Variants in SLC4A10 observed in about 807,000 individuals in gnomAD.
The protein encoded by SLC4A10 is sodium-driven chloride bicarbonate exchanger.
In SLC4A10, 42 loss-of-function variants were observed where a neutral mutation model predicts 137.7. The ratio of observed to expected loss-of-function variants is 0.30; its 90% CI spans 0.24 to 0.39. The LOEUF (loss-of-function observed/expected upper bound fraction) is 0.39, where lower values mean the gene tolerates loss of function less well. Among genes scored for constraint, SLC4A10 ranks in the 10% least tolerant of loss-of-function variants. The pLI is 1.00. For missense variants in SLC4A10, 925 were observed against 1,355.0 expected (o/e 0.68, Z 4.98); for synonymous variants, 474 against 464.1 (o/e 1.02, Z -0.27).
At chr2:161,980,287 A>G (rs1700035193) in intron 26 of SLC4A10, among the ~76,000 whole-genome samples, 1 of 146,356 alleles carries the variant, frequency 6.8e-6, no homozygotes, top group African/African-American at 2.6e-5. Flanking sequence ...TTTCTATCCC[A>G]GATTCTTTCT....
At chr2:161,673,543 T>G (rs1267178306) in intron 1 of SLC4A10, among the ~76,000 whole-genome samples, 1 of 152,248 alleles carries the variant, frequency 6.6e-6, no homozygotes, top group African/African-American at 2.4e-5. Flanking sequence ...GAATATGATC[T>G]ACTTTGACAA....
chr2:161,799,325 A>C (rs1461159619), intron 2 of SLC4A10, among the ~76,000 whole-genome samples: 3 of 151,916 alleles, frequency 2.0e-5, no homozygotes, highest in Non-Finnish European at 4.4e-5. Context: ...TCTATCATTA[A>C]ATTTCTTGAA....
intron 15 of SLC4A10, among the ~76,000 whole-genome samples, chr2:161,927,942 A>C (rs1689490819): frequency 6.6e-6 from 1 of 151,598 alleles, no homozygotes; most frequent in South Asian, 2.1e-4. Flanking sequence ...AACTAGTTCA[A>C]CCATTGTGGA....
chr2:161,754,789 G>A (rs1302759753), intron 1 of SLC4A10, among the ~76,000 whole-genome samples: 20 of 152,052 alleles, frequency 1.3e-4, no homozygotes, highest in Non-Finnish European at 2.9e-5. Flanking sequence ...ATACTTTCAT[G>A]CATATAATTT....
rs187825730 is a variant in SLC4A10, at chr2:161,782,091, A to G, written c.130+11037A>G. 6.6e-5 allele frequency among the ~76,000 whole-genome samples: 10 copies of G among 152,194 alleles called. No individual in the cohort carries two copies. The East Asian group carries it at 1.9e-3, about 30-fold the overall frequency. On this transcript the variant is annotated intron_variant, in intron 2 of 26. Coordinates refer to ENST00000446997, the MANE Select transcript of SLC4A10 (RefSeq NM_001178015.2). Reference sequence around the variant, plus strand: ...GGTGGCTTAGATTGGTAGCCACCATAGCTTTTCCTCCCTAGCTCAGAGCAT... The same window carrying G: ...GGTGGCTTAGATTGGTAGCCACCATGGCTTTTCCTCCCTAGCTCAGAGCAT...
intron 1 of SLC4A10, among the ~76,000 whole-genome samples, chr2:161,658,150 A>G (rs917746386): frequency 6.6e-6 from 1 of 152,188 alleles, no homozygotes; most frequent in African/African-American, 2.4e-5. Flanking sequence ...ATATGCTTAC[A>G]GATTGATTTG....
At chr2:161,975,221 T>C (rs1052661875) in intron 24 of SLC4A10, among the ~76,000 whole-genome samples, 3 of 152,168 alleles carry the variant, frequency 2.0e-5, no homozygotes. Context: ...TTTTACAACA[T>C]TTAAATTTTA....
At chr2:161,703,465 C>T (rs978983798) in intron 1 of SLC4A10, among the ~76,000 whole-genome samples, 1 of 151,468 alleles carries the variant, frequency 6.6e-6, no homozygotes, top group Admixed American at 6.6e-5. Flanking sequence ...ACTAAAATAT[C>T]AATAATGGTT....
chr2:161,863,032 C>G lies in SLC4A10; in HGVS notation c.736C>G (p.Gln246Glu), dbSNP rs2060521808. ...TTCCTTTGCTGATATTGGCAAGAAA[C>G]AGTCAGAACCAAATTCCATGGACAA... ...VRSFADIGKKQSEPNSMDKNA... is the reference protein window; with the variant it reads ...VRSFADIGKKESEPNSMDKNA... Residue 246 changes from glutamine to glutamate, a missense_variant, in exon 6 of 27, where the codon CAG becomes GAG. Coordinates refer to ENST00000446997, the MANE Select transcript of SLC4A10 (RefSeq NM_001178015.2). The G allele has an allele frequency of 3.0e-5, 49 of 1,613,808 alleles. No individual in the cohort carries two copies. The highest frequency in any genetic ancestry group is 4.2e-5 in the Non-Finnish European group (49 of 1,179,810).
chr2:161,905,579 T>G, intron 14 of SLC4A10, 63 bp from the exon 15 acceptor site: 2 of 1,522,292 alleles, frequency 1.3e-6, no homozygotes, highest in Non-Finnish European at 1.8e-6. Context: ...TTCATTTGCT[T>G]AAAATGATAG....
chr2:161,637,917 C>T (rs1479803407), intron 1 of SLC4A10, among the ~76,000 whole-genome samples: 4 of 152,032 alleles, frequency 2.6e-5, no homozygotes, highest in Admixed American at 6.6e-5. Context: ...TTGATGAATG[C>T]CTAATCAGAT....
chr2:161,977,672 CT>C, intron 25 of SLC4A10, 49 bp from the exon 26 acceptor site: 1 of 1,528,650 alleles, frequency 6.5e-7, no homozygotes, highest in Non-Finnish European at 8.9e-7. Context: ...TTTTCGTAAC[CT>C]TAAATTAACT....
chr2:161,907,740 A>G (rs1446570443), intron 15 of SLC4A10, among the ~76,000 whole-genome samples: 1 of 152,248 alleles, frequency 6.6e-6, no homozygotes, highest in Non-Finnish European at 1.5e-5. Context: ...GGGCATTCAC[A>G]GGACTAGATG....
intron 2 of SLC4A10, among the ~76,000 whole-genome samples, chr2:161,775,083 T>C (rs761639717): frequency 6.6e-6 from 1 of 151,878 alleles, no homozygotes; most frequent in Non-Finnish European, 1.5e-5. Flanking sequence ...ATGGCAGAGT[T>C]TCTTCTCAAG....
At chr2:161,660,589 T>TTTCTTTC (rs754216596) in intron 1 of SLC4A10, among the ~76,000 whole-genome samples, 134 of 140,058 alleles carry the variant, frequency 9.6e-4, no homozygotes, top group Admixed American at 1.7e-3. Context: ...TCTTTCTTTC[T>TTTCTTTC]TTCTTTCTTT....
intron 3 of SLC4A10, among the ~76,000 whole-genome samples, chr2:161,838,354 A>T (rs1337701239): frequency 2.0e-5 from 3 of 152,162 alleles, no homozygotes; most frequent in Non-Finnish European, 4.4e-5. Context: ...TAGCTTCAAG[A>T]TGTAAAATAT....
At chr2:161,911,323 A>G (rs1685795907) in intron 15 of SLC4A10, among the ~76,000 whole-genome samples, 1 of 152,062 alleles carries the variant, frequency 6.6e-6, no homozygotes, top group African/African-American at 2.4e-5. Flanking sequence ...CATAAAACTA[A>G]TGATGATTGA....
chr2:161,652,475 A>T (rs2036937124), intron 1 of SLC4A10, among the ~76,000 whole-genome samples: 1 of 152,210 alleles, frequency 6.6e-6, no homozygotes, highest in South Asian at 2.1e-4. Flanking sequence ...AGAAGTAATA[A>T]CATATACAAA....
intron 1 of SLC4A10, among the ~76,000 whole-genome samples, chr2:161,753,154 A>G (rs924271932): frequency 6.6e-6 from 1 of 152,164 alleles, no homozygotes; most frequent in Non-Finnish European, 1.5e-5. Flanking sequence ...ATCTTTGCTC[A>G]TATGGCATAA....
Sources: gnomAD v4.1 joint callset for allele counts (sites outside exome capture counted in the v4.1 genomes callset) on GRCh38, gnomAD v4.1.1 for gene constraint, MANE v1.5 for transcripts, NCBI Gene and HGNC (gene_info 2026-07-23, HGNC 2026-07-21) for gene names.